The following KCNT2 variants were observed in gnomAD, a reference collection of about 807,000 sequenced individuals.
The protein encoded by KCNT2 is potassium sodium-activated channel subfamily T member 2.
KCNT2 carries 67 observed loss-of-function variants against 153.8 expected under a neutral mutation model. That is an observed-to-expected ratio of 0.44 (90% CI 0.36 to 0.53). KCNT2 has a LOEUF of 0.53. Among genes scored for constraint, KCNT2 ranks in the 20% least tolerant of loss-of-function variants. The pLI is 0.00. For missense variants in KCNT2, 975 were observed against 1,354.8 expected (o/e 0.72, Z 4.40); for synonymous variants, 500 against 458.8 (o/e 1.09, Z -1.15).
chr1:196,515,754 T>C (rs1681995703), intron 1 of KCNT2, among the ~76,000 whole-genome samples: 1 of 152,036 alleles, frequency 6.6e-6, no homozygotes, highest in African/African-American at 2.4e-5. Flanking sequence ...TTGGGATCCA[T>C]CAAGAAAACA....
intron 26 of KCNT2, among the ~76,000 whole-genome samples, chr1:196,241,026 T>A (rs556681690): frequency 6.6e-6 from 1 of 151,464 alleles, no homozygotes; most frequent in East Asian, 1.9e-4. Context: ...ATAGAAATGA[T>A]GTGGAAGACA....
chr1:196,603,080 C>T (rs1024568649), intron 1 of KCNT2, among the ~76,000 whole-genome samples: 8 of 152,166 alleles, frequency 5.3e-5, no homozygotes, highest in South Asian at 2.1e-4. Context: ...GCCACCGCGC[C>T]CGGCCCAAAG....
intron 13 of KCNT2, among the ~76,000 whole-genome samples, chr1:196,385,772 A>AAAT (rs747480460): frequency 1.8e-4 from 26 of 148,528 alleles, no homozygotes; most frequent in South Asian, 6.4e-4. Flanking sequence ...GCATTAAAAA[A>AAAT]ATATATATAT....
chr1:196,528,245 A>G (rs1654501751), intron 1 of KCNT2, among the ~76,000 whole-genome samples: 2 of 152,238 alleles, frequency 1.3e-5, no homozygotes, highest in South Asian at 4.1e-4. Context: ...TTAGAATCAG[A>G]TGTAGAATTA....
intron 22 of KCNT2, among the ~76,000 whole-genome samples, chr1:196,291,447 T>C (rs555884003): frequency 5.3e-4 from 81 of 152,198 alleles, no homozygotes; most frequent in Non-Finnish European, 1.0e-3. Context: ...AAAAATACAT[T>C]ACACAATTAC....
intron 1 of KCNT2, among the ~76,000 whole-genome samples, chr1:196,601,434 A>C (rs899509781): frequency 3.9e-5 from 6 of 152,180 alleles, no homozygotes; most frequent in Admixed American, 1.3e-4. Flanking sequence ...TATTTTGCTC[A>C]CAATTTTATC....
chr1:196,277,500 G>T (rs978654889), intron 25 of KCNT2, among the ~76,000 whole-genome samples: 1 of 152,130 alleles, frequency 6.6e-6, no homozygotes, highest in Non-Finnish European at 1.5e-5. Flanking sequence ...GGGTCCAGAG[G>T]CCACAGACCA....
At chr1:196,356,468 CTTAA>C (rs896978622) in intron 14 of KCNT2, among the ~76,000 whole-genome samples, 3 of 151,710 alleles carry the variant, frequency 2.0e-5, no homozygotes, top group Non-Finnish European at 4.4e-5. Flanking sequence ...TGTTTTAACT[CTTAA>C]TTAAATGCTA....
chr1:196,377,847 A>G (rs1252043912), intron 13 of KCNT2, among the ~76,000 whole-genome samples: 2 of 152,072 alleles, frequency 1.3e-5, no homozygotes, highest in Non-Finnish European at 2.9e-5. Flanking sequence ...CCAGACCAAT[A>G]AAGACAGACC....
intron 18 of KCNT2, among the ~76,000 whole-genome samples, chr1:196,330,292 T>C (rs1295020307): frequency 6.6e-6 from 1 of 151,842 alleles, no homozygotes; most frequent in Non-Finnish European, 1.5e-5. Context: ...TTGCACTTCA[T>C]TAAACATGCA....
At chr1:196,451,673 A>AT (rs1676218304) in intron 8 of KCNT2, among the ~76,000 whole-genome samples, 1 of 151,620 alleles carries the variant, frequency 6.6e-6, no homozygotes. Flanking sequence ...AGGAGCATTA[A>AT]TTTTTTTACT....
At chr1:196,523,973 C>A (rs548926618) in intron 1 of KCNT2, among the ~76,000 whole-genome samples, 1 of 152,084 alleles carries the variant, frequency 6.6e-6, no homozygotes, top group African/African-American at 2.4e-5. Flanking sequence ...CCTTTTTTCT[C>A]TTGCACCTGA....
intron 26 of KCNT2, among the ~76,000 whole-genome samples, chr1:196,249,125 A>C (rs1655722327): frequency 6.6e-6 from 1 of 152,140 alleles, no homozygotes; most frequent in Non-Finnish European, 1.5e-5. Flanking sequence ...AAAAAAACTA[A>C]AAAAATTGGG....
chr1:196,586,614 C>G (rs1414364045), intron 1 of KCNT2, among the ~76,000 whole-genome samples: 1 of 151,882 alleles, frequency 6.6e-6, no homozygotes, highest in African/African-American at 2.4e-5. Flanking sequence ...CAATATCAAA[C>G]CACATTTTCT....
At chr1:196,568,366 G>C (rs958178227) in intron 1 of KCNT2, among the ~76,000 whole-genome samples, 5 of 152,022 alleles carry the variant, frequency 3.3e-5, no homozygotes, top group African/African-American at 7.2e-5. Context: ...GGCCGAGGCG[G>C]GCGGATCACG....
At chr1:196,578,442 C>A (rs1368115113) in intron 1 of KCNT2, among the ~76,000 whole-genome samples, 2 of 152,074 alleles carry the variant, frequency 1.3e-5, no homozygotes, top group African/African-American at 2.4e-5. Context: ...CTTCACCACA[C>A]AGAATTATGC....
intron 26 of KCNT2, among the ~76,000 whole-genome samples, chr1:196,240,945 C>G (rs976425875): frequency 6.6e-6 from 1 of 151,702 alleles, no homozygotes; most frequent in Non-Finnish European, 1.5e-5. Context: ...AACAGAAACC[C>G]ATGTGAGAGA....
chr1:196,461,769 G>GA (rs531452239), intron 8 of KCNT2, among the ~76,000 whole-genome samples: 1 of 151,598 alleles, frequency 6.6e-6, no homozygotes, highest in Non-Finnish European at 1.5e-5. Flanking sequence ...TACAATGACC[G>GA]AAAAAACAAT....
intron 3 of KCNT2, among the ~76,000 whole-genome samples, chr1:196,486,400 T>C (rs1679424025): frequency 6.6e-6 from 1 of 151,992 alleles, no homozygotes; most frequent in Non-Finnish European, 1.5e-5. Context: ...AAAATTCATG[T>C]ATGAAGCATT....
Sources: allele counts gnomAD v4.1 joint callset (sites outside exome capture counted in the v4.1 genomes callset), GRCh38; gene constraint gnomAD v4.1.1; transcripts MANE v1.5; gene names NCBI Gene and HGNC (gene_info 2026-07-23, HGNC 2026-07-21).